GFRAL: variants seen among roughly 807,000 people sequenced by gnomAD.
GFRAL encodes the protein GDNF family receptor alpha like.
In GFRAL, 36 loss-of-function variants were observed where a neutral mutation model predicts 45.4. That is an observed-to-expected ratio of 0.79 (90% CI 0.61 to 1.05). GFRAL has a LOEUF of 1.05. Ranked by LOEUF, GFRAL falls within the 50% of genes least tolerant of loss-of-function variation. The probability of loss-of-function intolerance (pLI) is 0.00; values close to 1 mark genes in which losing one functional copy is unlikely to be tolerated. For synonymous variants in GFRAL, 166 were observed against 154.1 expected, an observed-to-expected ratio of 1.08 and a Z score of -0.57; for missense variants, 507 against 467.5, an observed-to-expected ratio of 1.08 and a Z score of -0.78.
intron 6 of GFRAL, among the ~76,000 whole-genome samples, chr6:55,367,842 T>C (rs1768386929): frequency 1.3e-5 from 2 of 152,064 alleles, no homozygotes; most frequent in Non-Finnish European, 2.9e-5. Context: ...CCTTTGAGGG[T>C]AACCCGACCT....
chr6:55,380,299 A>G (rs1042747819), intron 6 of GFRAL, among the ~76,000 whole-genome samples: 1 of 151,980 alleles, frequency 6.6e-6, no homozygotes, highest in Non-Finnish European at 1.5e-5. Flanking sequence ...CCCCAACTCT[A>G]TTAGTAACAA....
At chr6:55,371,467 G>C (rs1327190703) in intron 6 of GFRAL, among the ~76,000 whole-genome samples, 1 of 150,978 alleles carries the variant, frequency 6.6e-6, no homozygotes. Flanking sequence ...TAACATCTAG[G>C]ACCTACAGAA....
At chr6:55,341,500 A>G (rs1767964842) in intron 3 of GFRAL, among the ~76,000 whole-genome samples, 2 of 152,226 alleles carry the variant, frequency 1.3e-5, no homozygotes, top group Admixed American at 1.3e-4. Flanking sequence ...CAGAAAGGAC[A>G]TCCACACCAA....
chr6:55,381,290 G>C (rs1168318188), intron 6 of GFRAL, among the ~76,000 whole-genome samples: 1 of 151,866 alleles, frequency 6.6e-6, no homozygotes, highest in African/African-American at 2.4e-5. Context: ...TTTTCAAGAA[G>C]CTTTAGAAAA....
chr6:55,350,099 G>A lies in GFRAL; in HGVS notation c.324G>A (p.Val108=). 6.5e-7 allele frequency: 1 copy of A among 1,531,790 alleles called. No homozygotes were observed. Among genetic ancestry groups the A allele is most frequent in the Non-Finnish European group, 9.0e-7 (1 of 1,107,260 alleles). 94.9% of individuals were successfully genotyped at this position (1,531,790 alleles called of 1,614,324 possible). A position where few individuals can be genotyped will look rare whatever the true frequency, so the allele number is the denominator to read the frequency against. ...GKKCINKSDN[V]KEDKFKWNLT... is the part of the protein sequence containing the mutation. ...TCTTTGTTTTCCTTCTAGATAACGTGAAAGAGGATAAATTCAAATGGAATC... is the reference window on the plus strand; with the variant it reads ...TCTTTGTTTTCCTTCTAGATAACGTAAAAGAGGATAAATTCAAATGGAATC... The change falls in exon 4 of 9, where the codon GTG becomes GTA. Residue 108 remains valine (V), a synonymous_variant. Coordinates refer to ENST00000340465, the MANE Select transcript of GFRAL (RefSeq NM_207410.2).
chr6:55,334,481 G>A (rs1284864518), intron 3 of GFRAL, among the ~76,000 whole-genome samples: 2 of 152,162 alleles, frequency 1.3e-5, no homozygotes, highest in African/African-American at 4.8e-5. Flanking sequence ...ACCCTTAACT[G>A]TACAACAAAG....
intron 5 of GFRAL, among the ~76,000 whole-genome samples, chr6:55,354,349 G>A (rs1050709662): frequency 1.3e-4 from 20 of 151,950 alleles, no homozygotes; most frequent in Admixed American, 6.6e-5. Context: ...AAAATGTTTG[G>A]TGTGGGGTCT....
chr6:55,383,671 A>T (rs999704373), intron 6 of GFRAL, among the ~76,000 whole-genome samples: 4 of 152,012 alleles, frequency 2.6e-5, no homozygotes, highest in Non-Finnish European at 5.9e-5. Context: ...CTCAGAATGT[A>T]TTCTGGTCCT....
At chr6:55,382,670 T>G in intron 6 of GFRAL, among the ~76,000 whole-genome samples, 1 of 151,956 alleles carries the variant, frequency 6.6e-6, no homozygotes, top group East Asian at 1.9e-4. Flanking sequence ...AAATAGACCT[T>G]ATTACAGAGC....
At chr6:55,342,049 T>C (rs1187794640) in intron 3 of GFRAL, among the ~76,000 whole-genome samples, 3 of 152,206 alleles carry the variant, frequency 2.0e-5, no homozygotes, top group Non-Finnish European at 4.4e-5. Context: ...TACATCTGAT[T>C]GGTGTACCTG....
Position 55,345,425 on chromosome 6 carries a change from C to G in GFRAL, c.317-4667C>G, listed in dbSNP as rs535830036. Among the ~76,000 whole-genome samples the G allele has an allele frequency of 2.4e-4, 36 of 152,206 alleles. 1 individual carries two copies. The South Asian group carries it at 4.8e-3, about 20-fold the overall frequency. On this transcript the variant is annotated intron_variant, in intron 3 of 8. Coordinates refer to ENST00000340465, the MANE Select transcript of GFRAL (RefSeq NM_207410.2). ...ACCATCTGATCTTTGACAAACCTGA[C>G]AAAAACATGAAATCGGGAAAGGATT...
chr6:55,386,186 T>A (rs1481526076), intron 6 of GFRAL, among the ~76,000 whole-genome samples: 1 of 152,140 alleles, frequency 6.6e-6, no homozygotes, highest in Non-Finnish European at 1.5e-5. Context: ...AGTTCCAGAT[T>A]ACCTTTTATT....
chr6:55,352,492 G>A (rs976299389), intron 5 of GFRAL, among the ~76,000 whole-genome samples: 3 of 152,004 alleles, frequency 2.0e-5, no homozygotes, highest in African/African-American at 7.2e-5. Context: ...ACAGCAAGAT[G>A]GTGTCAGGTA....
intron 6 of GFRAL, among the ~76,000 whole-genome samples, chr6:55,364,358 G>T (rs1271705637): frequency 1.3e-5 from 2 of 149,652 alleles, no homozygotes; most frequent in East Asian, 1.9e-4. Context: ...GGATGAGTAG[G>T]TTGCGAAAAT....
At chr6:55,375,613 C>T (rs1417303839) in intron 6 of GFRAL, among the ~76,000 whole-genome samples, 1 of 152,026 alleles carries the variant, frequency 6.6e-6, no homozygotes, top group Non-Finnish European at 1.5e-5. Flanking sequence ...TTATTTCCTT[C>T]TCTTGCCCAA....
rs1033514583 is a variant in GFRAL, at chr6:55,361,572, G to A, written c.952+2434G>A. Among the ~76,000 whole-genome samples, 4 of 151,648 alleles carry A rather than the reference G, an allele frequency of 2.6e-5. No individual in the cohort carries two copies. The East Asian group carries it at 5.8e-4, about 22-fold the overall frequency. On this transcript the variant is annotated intron_variant, in intron 6 of 8. Transcript: ENST00000340465. ...TTTGATCCAAAGTTGGTTGAGTCGAGGGGTGCAGAACTCACAGGTATGGAG... is the reference window on the plus strand; with the variant it reads ...TTTGATCCAAAGTTGGTTGAGTCGAAGGGTGCAGAACTCACAGGTATGGAG...
At chr6:55,332,422 C>T (rs923240963) in intron 2 of GFRAL, among the ~76,000 whole-genome samples, 1 of 145,572 alleles carries the variant, frequency 6.9e-6, no homozygotes, top group East Asian at 2.0e-4. Context: ...TTTCTTTTTT[C>T]TTTTTTTTTT....
chr6:55,369,533 TCTC>T (rs1768421522), intron 6 of GFRAL, among the ~76,000 whole-genome samples: 1 of 152,206 alleles, frequency 6.6e-6, no homozygotes, highest in African/African-American at 2.4e-5. Flanking sequence ...TGTTAACTAA[TCTC>T]CTGTTAATGT....
intron 3 of GFRAL, among the ~76,000 whole-genome samples, chr6:55,337,764 A>G (rs1255758810): frequency 6.6e-6 from 1 of 152,292 alleles, no homozygotes; most frequent in East Asian, 1.9e-4. Context: ...TAATATCTGT[A>G]GCAGTTGCAG....
Sources: allele counts gnomAD v4.1 joint callset (sites outside exome capture counted in the v4.1 genomes callset), GRCh38; gene constraint gnomAD v4.1.1; transcripts MANE v1.5; gene names NCBI Gene and HGNC (gene_info 2026-07-23, HGNC 2026-07-21).